Variants in WNT5A observed in about 807,000 individuals in gnomAD.
WNT5A encodes protein Wnt-5a.
WNT5A carries 9 observed loss-of-function variants against 42.1 expected under a neutral mutation model. The ratio of observed to expected loss-of-function variants is 0.21; its 90% CI spans 0.13 to 0.37. The LOEUF is 0.37. Among genes scored for constraint, WNT5A ranks in the 10% least tolerant of loss-of-function variants. WNT5A has a pLI of 1.00. For synonymous variants in WNT5A, 210 were observed against 210.0 expected (o/e 1.00, Z 0.00); for missense variants, 426 against 534.0 (o/e 0.80, Z 1.99).
At chr3:55,500,202 G>A in the WNT5A span, among the ~76,000 whole-genome samples, 1 of 152,098 alleles carries the variant, frequency 6.6e-6, no homozygotes, top group African/African-American at 2.4e-5. Flanking sequence ...GCTCTTCATA[G>A]CTACCCTGCA....
upstream of WNT5A, chr3:55,490,342 G>A (rs2051645528): frequency 6.6e-6 from 1 of 152,136 alleles, no homozygotes; most frequent in Non-Finnish European, 1.5e-5. Context: ...CCCAAACAGT[G>A]CTATTTCCTG....
the WNT5A span, among the ~76,000 whole-genome samples, chr3:55,499,992 A>T: frequency 5.3e-5 from 8 of 151,218 alleles, no homozygotes; most frequent in Non-Finnish European, 4.4e-5. Flanking sequence ...AAAAAAAAAA[A>T]AAATTAAATT....
Position 55,479,487 on chromosome 3 carries a change from G to A in WNT5A, c.218C>T (p.Ala73Val). Residue 73 changes from alanine (A) to valine (V), a missense_variant, in exon 3 of 5, where the codon GCA becomes GTA. By Grantham distance (64) the Ala-to-Val change is moderately conservative (BLOSUM62 0). Around this residue, in one of 3 missense-constraint regions of WNT5A, gnomAD observed 358 missense variants for 468.1 expected, o/e 0.76. Coordinates refer to ENST00000264634, the MANE Select transcript of WNT5A (RefSeq NM_003392.7). ...TTTCTTCTGTCCTTGAGAAAGTCCT[G>A]CCAGTTGGCTGCAGAGAGGCTGTGC... Reference protein sequence around the residue: ...IGAQPLCSQLAGLSQGQKKLC... With the variant: ...IGAQPLCSQLVGLSQGQKKLC... 9 of 1,613,968 alleles carry A rather than the reference G, an allele frequency of 5.6e-6. No homozygotes were observed. Among genetic ancestry groups the A allele is most frequent in the Non-Finnish European group, 7.6e-6 (9 of 1,179,872 alleles).
At chr3:55,492,777 C>A (rs1340182042), upstream of WNT5A, among the ~76,000 whole-genome samples, 1 of 152,122 alleles carries the variant, frequency 6.6e-6, no homozygotes, top group Non-Finnish European at 1.5e-5. Flanking sequence ...ACATTCATTG[C>A]CTTGTTTCAT....
chr3:55,474,410 C>T lies in WNT5A; in HGVS notation c.611G>A (p.Arg204His), dbSNP rs866738848. 1.2e-6 allele frequency: 2 copies of T among 1,611,818 alleles called. No individual in the cohort carries two copies. The highest frequency in any genetic ancestry group is 1.7e-5 in the Admixed American group (1 of 59,952). Residue 204 changes from arginine to histidine, a missense_variant, in exon 4 of 5, where the codon CGC (arginine) becomes CAC (histidine). By Grantham distance (29) the Arg-to-His change is conservative. Transcript: ENST00000264634. ...KEFVDARERE[R>H]IHAKGSYESA... Reference sequence around the variant, plus strand: ...CTCGTAGGAGCCCTTGGCGTGGATGCGCTCCCGCTCGCGGGCGTCCACGAA... The same window carrying T: ...CTCGTAGGAGCCCTTGGCGTGGATGTGCTCCCGCTCGCGGGCGTCCACGAA...
chr3:55,479,619 C>T (rs1399122054), intron 2 of WNT5A, 55 bp from the exon 3 acceptor site: 3 of 1,531,734 alleles, frequency 2.0e-6, no homozygotes, highest in East Asian at 2.3e-5. Context: ...GAGGTGGGCC[C>T]CCTGAAAGCA....
Position 55,469,861 on chromosome 3 carries a change from A to T in WNT5A, c.*231T>A. ...GAAGTCTTGTATTACCTTTTCAAAGATCCACAAAATAAATATTTTTCTTGG... is the reference window on the plus strand; with the variant it reads ...GAAGTCTTGTATTACCTTTTCAAAGTTCCACAAAATAAATATTTTTCTTGG... On this transcript the variant is annotated 3_prime_UTR_variant, in exon 5 of 5. Transcript: ENST00000264634. 1 of 482,326 alleles carries T rather than the reference A, an allele frequency of 2.1e-6. No individual in the cohort carries two copies. Among genetic ancestry groups the T allele is most frequent in the Non-Finnish European group, 3.6e-6 (1 of 276,362 alleles). The allele number at this position is 482,326 out of a possible 1,614,324, so 29.9% of individuals were successfully genotyped here. A position where few individuals can be genotyped will look rare whatever the true frequency, so the allele number is the denominator to read the frequency against.
At position 55,479,316 on chromosome 3, in the gene WNT5A, A is replaced by G. The variant is rs2051412129; in HGVS notation, c.389T>C (p.Ile130Thr). 1.3e-6 allele frequency: 2 copies of G among 1,536,102 alleles called. No individual in the cohort carries two copies. The highest frequency in any genetic ancestry group is 4.0e-5 in the Admixed American group (2 of 49,980). The part of the protein sequence containing the change: ...NTSVFGRVMQ[I>T]GSRETAFTYA... ...AAATATTTTAAATGTTTTCCTACCT[A>G]TCTGCATCACCCTGCCAAAAACAGA... Residue 130 changes from isoleucine to threonine, a missense_variant and splice_region_variant, in exon 3 of 5, where the codon ATA (isoleucine) becomes ACA (threonine). Physicochemically the swap from Ile to Thr is moderately conservative, Grantham distance 89. This residue lies in a region of WNT5A where 358 missense variants were observed against 468.1 expected (regional missense o/e 0.76). Transcript: ENST00000264634.
upstream of WNT5A, among the ~76,000 whole-genome samples, chr3:55,488,504 GA>G (rs1351700672): frequency 2.1e-5 from 3 of 145,372 alleles, no homozygotes; most frequent in Non-Finnish European, 3.1e-5. Flanking sequence ...GAAGGGGGGG[GA>G]AGAAAGAAAA....
At chr3:55,488,343 C>T (rs1390740766), upstream of WNT5A, 1 of 148,272 alleles carries the variant, frequency 6.7e-6, no homozygotes, top group Non-Finnish European at 1.5e-5. Context: ...CCCAGCCCTT[C>T]TGGCCAACTG....
At chr3:55,475,373 T>C (rs1273937442) in intron 3 of WNT5A, among the ~76,000 whole-genome samples, 1 of 152,186 alleles carries the variant, frequency 6.6e-6, no homozygotes, top group Admixed American at 6.5e-5. Flanking sequence ...CCACACTCAT[T>C]TTGGCCTTGT....
chr3:55,474,283 G>T (rs995769295), intron 4 of WNT5A, 54 bp downstream of exon 4: 8 of 1,607,852 alleles, frequency 5.0e-6, no homozygotes, highest in Non-Finnish European at 6.8e-6. Flanking sequence ...GAGGAGGCTG[G>T]AGGGCAAGGT....
At chr3:55,475,420 C>G (rs1424709741) in intron 3 of WNT5A, among the ~76,000 whole-genome samples, 1 of 152,220 alleles carries the variant, frequency 6.6e-6, no homozygotes, top group Non-Finnish European at 1.5e-5. Context: ...CCTCTCCTCC[C>G]TCTTCCTTCA....
In WNT5A at chr3:55,483,837, G is replaced by A. The variant is rs533350424; in HGVS notation, c.7-2919C>T. On this transcript the variant is annotated intron_variant, in intron 1 of 4. Transcript: ENST00000264634. This position sits in a 1 kb window ranked among gnomAD's most constrained non-coding sequence, Gnocchi z 4.2. ...ACCAACCACGGTGCGGGCCAGGCGT[G>A]ATGAGGGATGAGGGAGAGGAAACCT... Among the ~76,000 whole-genome samples the A allele has an allele frequency of 6.6e-6, 1 of 152,304 alleles. No homozygotes were observed. Among genetic ancestry groups the A allele is most frequent in the East Asian group, 1.9e-4 (1 of 5,184 alleles).
intron 3 of WNT5A, among the ~76,000 whole-genome samples, chr3:55,476,306 G>A (rs372663423): frequency 1.6e-4 from 24 of 152,324 alleles, no homozygotes; most frequent in African/African-American, 5.1e-4. Context: ...TGACTTGAAG[G>A]TGTGTGCTGG....
At position 55,469,819 on chromosome 3, in the gene WNT5A, A is replaced by G; in HGVS notation, c.*273T>C. On this transcript the variant is annotated 3_prime_UTR_variant, in exon 5 of 5. Coordinates refer to ENST00000264634, the MANE Select transcript of WNT5A (RefSeq NM_003392.7). ...TTAGGGTATGTGTTATTTCCCCTTC[A>G]TTCTATACTATCAAAAGAAGTCTTG... The G allele has an allele frequency of 2.7e-6, 1 of 372,082 alleles. No homozygotes were observed. The highest frequency in any genetic ancestry group is 4.9e-6 in the Non-Finnish European group (1 of 205,792). 23.0% of individuals were successfully genotyped at this position (372,082 alleles called of 1,614,324 possible).
chr3:55,504,541 G>T, the WNT5A span, among the ~76,000 whole-genome samples: 1 of 149,520 alleles, frequency 6.7e-6, no homozygotes, highest in South Asian at 2.1e-4. Context: ...TCGGCTCACC[G>T]CAACCTCTGC....
At chr3:55,479,657 C>G in intron 2 of WNT5A, 93 bp from the exon 3 acceptor site, 1 of 1,443,138 alleles carries the variant, frequency 6.9e-7, no homozygotes, top group Non-Finnish European at 9.2e-7. Context: ...TTTAAGCACA[C>G]AGATGCTTTT....
rs1269033819 is a variant in WNT5A, at chr3:55,466,972, T to C, written c.*3120A>G. On this transcript the variant is annotated 3_prime_UTR_variant, in exon 5 of 5. Coordinates refer to ENST00000264634, the MANE Select transcript of WNT5A (RefSeq NM_003392.7). The stretch of plus-strand genomic sequence containing the variant: ...AAGCAAAGGCTAATGTATCAATCTG[T>C]GGAGCACTGTCCAGATTTCCGTGTA... The C allele has an allele frequency of 2.0e-5, 3 of 152,416 alleles. No homozygotes were observed. The highest frequency in any genetic ancestry group is 4.8e-5 in the African/African-American group (2 of 41,588). The allele number at this position is 152,416 out of a possible 1,614,324, so 9.4% of individuals were successfully genotyped here.
Sources: gnomAD v4.1 joint callset for allele counts (sites outside exome capture counted in the v4.1 genomes callset) on GRCh38, gnomAD v4.1.1 for gene constraint, gnomAD v4.1.1 regional missense constraint, Gnocchi (gnomAD v3.1) non-coding constraint, MANE v1.5 for transcripts, NCBI Gene and HGNC (gene_info 2026-07-23, HGNC 2026-07-21) for gene names.